Variants in ANK3 observed in about 807,000 individuals in gnomAD.
The protein encoded by ANK3 is ankyrin 3, also known as ankyrin-3.
In ANK3, 57 loss-of-function variants were observed where a neutral mutation model predicts 370.9. That is an observed-to-expected ratio of 0.15 (90% confidence interval 0.12 to 0.19). ANK3 has a LOEUF of 0.19. Ranked by LOEUF, ANK3 falls within the 10% of genes least tolerant of loss-of-function variation. The probability of loss-of-function intolerance (pLI) is 1.00; values close to 1 mark genes in which losing one functional copy is unlikely to be tolerated. For missense variants in ANK3, 4,439 were observed against 5,302.1 expected, an observed-to-expected ratio of 0.84 and a Z score of 5.06; for synonymous variants, 1,929 against 1,946.3, an observed-to-expected ratio of 0.99 and a Z score of 0.23.
At chr10:60,300,388 A>G (rs1370350944) in intron 1 of ANK3, 4 of 1,289,626 alleles carry the variant, frequency 3.1e-6, no homozygotes, top group Admixed American at 4.6e-5. Context: ...TGATAACTCA[A>G]TTAGTTAACA....
chr10:60,105,981 A>G lies in ANK3; in HGVS notation c.3252T>C (p.Asn1084=), dbSNP rs141421688. 59 of 1,612,750 alleles carry G rather than the reference A, an allele frequency of 3.7e-5. No individual in the cohort carries two copies. In the African/African-American group the frequency reaches 7.1e-4, roughly 19 times the overall value. ...ERELIVLRSE[N]GETWKEHQFD... ...ACTGATGCTCCTTCCAAGTTTCACCATTTTCACTTCGAAGAACAATGAGTT... is the reference window on the plus strand; with the variant it reads ...ACTGATGCTCCTTCCAAGTTTCACCGTTTTCACTTCGAAGAACAATGAGTT... Residue 1084 remains asparagine (N), a synonymous_variant, in exon 28 of 44, where the codon AAT becomes AAC. Coordinates refer to ENST00000280772, the MANE Select transcript of ANK3 (RefSeq NM_020987.5).
At chr10:60,724,204 C>T (rs1353530119) in intron 1 of ANK3, among the ~76,000 whole-genome samples, 22 of 96,952 alleles carry the variant, frequency 2.3e-4, no homozygotes, top group Non-Finnish European at 3.9e-5. Context: ...AGCAAGACTC[C>T]GTCTCAAAAA....
chr10:60,428,244 T>C (rs770341061), intron 2 of ANK3, among the ~76,000 whole-genome samples: 2 of 152,202 alleles, frequency 1.3e-5, no homozygotes, highest in Non-Finnish European at 2.9e-5. Flanking sequence ...AATGAGGCTG[T>C]CTGAAACATG....
intron 1 of ANK3, among the ~76,000 whole-genome samples, chr10:60,711,895 C>T (rs2079714088): frequency 6.6e-6 from 1 of 152,118 alleles, no homozygotes; most frequent in Non-Finnish European, 1.5e-5. Flanking sequence ...TCTTCAGAAA[C>T]TGCACACAAG....
At chr10:60,427,124 C>T (rs918069645) in intron 2 of ANK3, among the ~76,000 whole-genome samples, 5 of 152,122 alleles carry the variant, frequency 3.3e-5, no homozygotes, top group African/African-American at 1.2e-4. Context: ...GAGAATAATT[C>T]ACAGAGTCAG....
intron 25 of ANK3, among the ~76,000 whole-genome samples, chr10:60,131,283 C>T (rs1048113524): frequency 6.6e-6 from 1 of 152,158 alleles, no homozygotes; most frequent in African/African-American, 2.4e-5. Context: ...CTGAAATCTC[C>T]TGCCAATTTA....
intron 1 of ANK3, among the ~76,000 whole-genome samples, chr10:60,671,799 G>A (rs571921294): frequency 6.6e-6 from 1 of 152,342 alleles, no homozygotes; most frequent in Admixed American, 6.5e-5. Context: ...CAGCCCAATG[G>A]AGAATTCCAA....
chr10:60,287,451 A>G (rs536314548), intron 1 of ANK3, among the ~76,000 whole-genome samples: 1 of 152,198 alleles, frequency 6.6e-6, no homozygotes, highest in African/African-American at 2.4e-5. Flanking sequence ...AGCACTGAAC[A>G]GTGTATAAAG....
At chr10:60,437,393 C>A (rs1468971237) in intron 2 of ANK3, among the ~76,000 whole-genome samples, 2 of 152,172 alleles carry the variant, frequency 1.3e-5, no homozygotes, top group Non-Finnish European at 2.9e-5. Context: ...CAAGAAAGAC[C>A]TTTAGCATGT....
chr10:60,239,191 A>G (rs1472707356), intron 7 of ANK3, among the ~76,000 whole-genome samples: 1 of 152,186 alleles, frequency 6.6e-6, no homozygotes, highest in Non-Finnish European at 1.5e-5. Flanking sequence ...CATAAGGAGA[A>G]GAGATAGAAT....
chr10:60,464,111 C>T lies in ANK3; in HGVS notation c.96+151075G>A, dbSNP rs950180080. Among the ~76,000 whole-genome samples the T allele has an allele frequency of 3.9e-5, 6 of 152,140 alleles. No homozygotes were observed. In the South Asian group the frequency reaches 1.2e-3, roughly 31 times the overall value. On this transcript the variant is annotated intron_variant, in intron 2 of 43. Coordinates refer to the ANK3 transcript ENST00000373827. The stretch of plus-strand genomic sequence containing the variant: ...GGTATATACAGTAAAGAAGAAACAG[C>T]TCTAAGTCTGCAGAGAGATAATAAT...
chr10:60,627,226 A>G (rs2078423479), intron 1 of ANK3, among the ~76,000 whole-genome samples: 1 of 152,130 alleles, frequency 6.6e-6, no homozygotes, highest in Non-Finnish European at 1.5e-5. Flanking sequence ...AGGAACTCAT[A>G]ACATGAAATT....
At chr10:60,614,275 A>G (rs4143096) in intron 2 of ANK3, among the ~76,000 whole-genome samples, 22,757 of 152,152 alleles carry the variant, frequency 0.15, 2,137 homozygotes, top group South Asian at 0.27. Context: ...ATATATACAT[A>G]TGAATGCGGA....
chr10:60,370,783 G>T (rs1436388126), intron 1 of ANK3, among the ~76,000 whole-genome samples: 1 of 152,080 alleles, frequency 6.6e-6, no homozygotes, highest in Non-Finnish European at 1.5e-5. Context: ...CCGTGTTCTC[G>T]GATGTTCCAA....
At chr10:60,415,922 C>CT in intron 2 of ANK3, among the ~76,000 whole-genome samples, 1 of 114,058 alleles carries the variant, frequency 8.8e-6, no homozygotes, top group South Asian at 3.6e-4. Flanking sequence ...TTGTGCCCCC[C>CT]ACCCCCCCGC....
chr10:60,560,465 T>C (rs1339868497), intron 2 of ANK3, among the ~76,000 whole-genome samples: 1 of 152,226 alleles, frequency 6.6e-6, no homozygotes, highest in African/African-American at 2.4e-5. Flanking sequence ...AGCTGGAATC[T>C]AGAGCATATT....
At chr10:60,394,332 A>T (rs2063171375), upstream of ANK3, among the ~76,000 whole-genome samples, 1 of 151,992 alleles carries the variant, frequency 6.6e-6, no homozygotes, top group Admixed American at 6.6e-5. Flanking sequence ...GAGACATATG[A>T]AGTTCTTAAA....
intron 26 of ANK3, among the ~76,000 whole-genome samples, chr10:60,113,278 G>C (rs1056492165): frequency 1.3e-5 from 2 of 151,786 alleles, no homozygotes; most frequent in Non-Finnish European, 2.9e-5. Flanking sequence ...TTTTACTTCA[G>C]AAATGCAGAG....
chr10:60,059,942 A>G (rs2080020217), intron 40 of ANK3: 1 of 1,613,982 alleles, frequency 6.2e-7, no homozygotes, highest in Non-Finnish European at 8.5e-7. Context: ...CTTGCTGGAA[A>G]GGGGTAGGTG....
Sources: allele counts gnomAD v4.1 joint callset (sites outside exome capture counted in the v4.1 genomes callset), GRCh38; gene constraint gnomAD v4.1.1; transcripts MANE v1.5; gene names NCBI Gene and HGNC (gene_info 2026-07-23, HGNC 2026-07-21).